Variants in CSMD1 observed in about 807,000 individuals in gnomAD.
CSMD1 encodes CUB and Sushi multiple domains 1, also known as CUB and sushi domain-containing protein 1.
Under a neutral mutation model 417.5 loss-of-function variants are expected in CSMD1, and 213 were observed. The ratio of observed to expected loss-of-function variants is 0.51; its 90% confidence interval spans 0.46 to 0.57. The LOEUF (loss-of-function observed/expected upper bound fraction) is 0.57, where lower values mean the gene tolerates loss of function less well. CSMD1 is among the 20% of genes least tolerant of loss of function. The probability of loss-of-function intolerance (pLI) is 0.00; values close to 1 mark genes in which losing one functional copy is unlikely to be tolerated. For missense variants in CSMD1, 6,923 were observed against 4,529.7 expected (o/e 1.53, Z -15.17); for synonymous variants, 2,862 against 1,736.8 (o/e 1.65, Z -16.11).
intron 5 of CSMD1, among the ~76,000 whole-genome samples, chr8:3,880,106 T>G (rs1233588944): frequency 6.6e-6 from 1 of 152,140 alleles, no homozygotes; most frequent in African/African-American, 2.4e-5. Context: ...ATTACTAAAT[T>G]CATTTACTGT....
At chr8:4,468,064 C>G (rs1281190509) in intron 2 of CSMD1, among the ~76,000 whole-genome samples, 1 of 151,496 alleles carries the variant, frequency 6.6e-6, no homozygotes, top group Admixed American at 6.6e-5. Flanking sequence ...CTGTCCGTCC[C>G]TGTCTTCTGA....
At chr8:3,903,965 A>T (rs769392483) in intron 5 of CSMD1, among the ~76,000 whole-genome samples, 9 of 152,006 alleles carry the variant, frequency 5.9e-5, no homozygotes, top group Admixed American at 1.3e-4. Context: ...TAAACCTGGA[A>T]TACCTTGTTC....
chr8:4,841,635 G>C (rs1224435059), intron 1 of CSMD1, among the ~76,000 whole-genome samples: 1 of 152,066 alleles, frequency 6.6e-6, no homozygotes, highest in Non-Finnish European at 1.5e-5. Flanking sequence ...AACAGGTCAG[G>C]CGCGGTGGCT....
At chr8:4,945,646 G>C (rs1808315479) in intron 1 of CSMD1, among the ~76,000 whole-genome samples, 1 of 152,060 alleles carries the variant, frequency 6.6e-6, no homozygotes, top group Admixed American at 6.6e-5. Context: ...TTGAATATTT[G>C]AATTAGTTTT....
At chr8:4,251,613 T>G (rs1007919266) in intron 3 of CSMD1, among the ~76,000 whole-genome samples, 4 of 152,194 alleles carry the variant, frequency 2.6e-5, no homozygotes, top group African/African-American at 9.7e-5. Context: ...AGGTTTCATG[T>G]CTGGATATTA....
intron 23 of CSMD1, among the ~76,000 whole-genome samples, chr8:3,312,673 C>G (rs117284094): frequency 6.6e-6 from 1 of 152,158 alleles, no homozygotes; most frequent in African/African-American, 2.4e-5. Flanking sequence ...CCCTAGAAAT[C>G]TGAAGCTTCT....
chr8:4,527,219 T>C (rs1453567610), intron 2 of CSMD1, among the ~76,000 whole-genome samples: 4 of 152,170 alleles, frequency 2.6e-5, no homozygotes, highest in Non-Finnish European at 5.9e-5. Context: ...TTTTGGCCAG[T>C]TGGGTTGCTG....
In CSMD1 at chr8:3,586,212, C is replaced by A. The variant is rs766808089; in HGVS notation, c.1146G>T (p.Gln382His). The change falls in exon 9 of 70, where the codon CAG (glutamine) becomes CAT (histidine). Residue 382 changes from glutamine (Q) to histidine (H), a missense_variant. Transcript: ENST00000635120. Reference protein sequence around the residue: ...QFSCEDNYVLQGSKSITCQRV... With the variant: ...QFSCEDNYVLHGSKSITCQRV... ...TCTGACAGGTGATGCTTTTAGATCC[C>A]TGGAGCACGTAATTGTCCTCACATG... The A allele has an allele frequency of 2.5e-6, 4 of 1,612,426 alleles. No homozygotes were observed. The highest frequency in any genetic ancestry group is 3.4e-6 in the Non-Finnish European group (4 of 1,179,406).
intron 12 of CSMD1, among the ~76,000 whole-genome samples, chr8:3,455,455 G>T (rs533325398): frequency 1.1e-4 from 17 of 152,186 alleles, no homozygotes. Flanking sequence ...ATCTTCCTTT[G>T]GTCTTTGATG....
intron 7 of CSMD1, among the ~76,000 whole-genome samples, chr8:3,621,956 G>C (rs147819318): frequency 6.1e-4 from 90 of 147,676 alleles, no homozygotes; most frequent in African/African-American, 2.2e-3. Context: ...TGTTACTTCT[G>C]TCTTATGTCT....
At position 4,385,468 on chromosome 8, in the gene CSMD1, T is replaced by G. The variant is rs114814091; in HGVS notation, c.415+34485A>C. 8.3e-3 allele frequency among the ~76,000 whole-genome samples: 1,259 copies of G among 152,330 alleles called. 13 individuals are homozygous for G. Among genetic ancestry groups the G allele is most frequent in the African/African-American group, 0.029 (1,209 of 41,564 alleles). ...TCTTTTCTTAGTTTTATTTTTAAAT[T>G]CATATTTAAAATAGATATTTGGAGC... On this transcript the variant is annotated intron_variant, in intron 3 of 69. Coordinates refer to ENST00000635120, the MANE Select transcript of CSMD1 (RefSeq NM_033225.6).
intron 3 of CSMD1, among the ~76,000 whole-genome samples, chr8:4,044,143 G>A (rs1011340589): frequency 6.6e-6 from 1 of 152,112 alleles, no homozygotes; most frequent in African/African-American, 2.4e-5. Context: ...CATCTTAACA[G>A]TAAGAAAGAA....
Position 3,399,463 on chromosome 8 carries a change from T to TCC in CSMD1, c.2332_2333insGG (p.Tyr778TrpfsTer11). The TCC allele has an allele frequency of 6.2e-7, 1 of 1,610,560 alleles. No homozygotes were observed. The highest frequency in any genetic ancestry group is 8.5e-7 in the Non-Finnish European group (1 of 1,178,322). ...CCATTCACAATGTAAAGAATCCTTATAATATCCTGGCCATCCAGGAGGCAA... is the reference window on the plus strand; with the variant it reads ...CCATTCACAATGTAAAGAATCCTTATCCAATATCCTGGCCATCCAGGAGGCAA... On this transcript the variant is annotated frameshift_variant, in exon 16 of 70. Coordinates refer to ENST00000635120, the MANE Select transcript of CSMD1 (RefSeq NM_033225.6). LOFTEE classifies it high-confidence loss of function.
intron 5 of CSMD1, among the ~76,000 whole-genome samples, chr8:3,845,262 C>G (rs1488504892): frequency 6.6e-6 from 1 of 152,156 alleles, no homozygotes; most frequent in Non-Finnish European, 1.5e-5. Context: ...GCTGATTTGT[C>G]CTTGTGCAAA....
At chr8:3,404,343 A>C (rs1325324873) in intron 15 of CSMD1, among the ~76,000 whole-genome samples, 1 of 151,180 alleles carries the variant, frequency 6.6e-6, no homozygotes, top group South Asian at 2.1e-4. Context: ...TCAAAAAAAA[A>C]AAAAAAAAAA....
chr8:4,259,958 T>G (rs941356019), intron 3 of CSMD1, among the ~76,000 whole-genome samples: 5 of 152,196 alleles, frequency 3.3e-5, no homozygotes, highest in African/African-American at 1.2e-4. Context: ...AATGTAATTG[T>G]TTCTAGTTTT....
chr8:4,344,618 G>A (rs754461853), intron 3 of CSMD1, among the ~76,000 whole-genome samples: 5 of 151,578 alleles, frequency 3.3e-5, no homozygotes, highest in South Asian at 2.1e-4. Context: ...TTACACTACC[G>A]CTATGCTCAA....
In CSMD1 at chr8:4,801,124, C is replaced by T. The variant is rs115983329; in HGVS notation, c.86-163566G>A. 3.7e-3 allele frequency among the ~76,000 whole-genome samples: 560 copies of T among 152,224 alleles called. 9 individuals carry two copies. The highest frequency in any genetic ancestry group is 0.013 in the African/African-American group (522 of 41,532). On this transcript the variant is annotated intron_variant, in intron 1 of 69. Coordinates refer to ENST00000635120, the MANE Select transcript of CSMD1 (RefSeq NM_033225.6). ...AAATAAAGAAAAGAAAAATTGGTGT[C>T]ATTTTACATTTTTTGTATCTTACCT...
chr8:3,417,953 A>G (rs955158927), intron 12 of CSMD1, among the ~76,000 whole-genome samples: 23 of 152,012 alleles, frequency 1.5e-4, no homozygotes, highest in African/African-American at 5.3e-4. Flanking sequence ...GCCTCCCATG[A>G]CTCTCTCCTT....
Sources: gnomAD v4.1 joint callset for allele counts (sites outside exome capture counted in the v4.1 genomes callset) on GRCh38, gnomAD v4.1.1 for gene constraint, MANE v1.5 for transcripts, NCBI Gene and HGNC (gene_info 2026-07-23, HGNC 2026-07-21) for gene names.